The following BICRAL variants were observed in gnomAD, a reference collection of about 807,000 sequenced individuals.
BICRAL encodes BICRA like chromatin remodeling complex associated protein, also known as BRD4-interacting chromatin-remodeling complex-associated protein-like.
BICRAL carries 8 observed loss-of-function variants against 91.8 expected under a neutral mutation model. The observed-to-expected ratio is 0.09, with a 90% CI of 0.05 to 0.16. BICRAL has a LOEUF of 0.16. Among genes scored for constraint, BICRAL ranks in the 10% least tolerant of loss-of-function variants. The probability of loss-of-function intolerance (pLI) is 1.00; values close to 1 mark genes in which losing one functional copy is unlikely to be tolerated. For missense variants in BICRAL, 1,038 were observed against 1,310.9 expected (o/e 0.79, Z 3.21); for synonymous variants, 445 against 491.1 (o/e 0.91, Z 1.24).
chr6:42,768,919 G>T (rs1296640186), intron 1 of BICRAL, among the ~76,000 whole-genome samples: 1 of 152,206 alleles, frequency 6.6e-6, no homozygotes, highest in African/African-American at 2.4e-5. Context: ...CTAAAGATGT[G>T]ATGTGACAGA....
intron 7 of BICRAL, among the ~76,000 whole-genome samples, 154 bp from the exon 8 acceptor site, chr6:42,853,484 C>A (rs1765257000): frequency 6.6e-6 from 1 of 152,142 alleles, no homozygotes; most frequent in Non-Finnish European, 1.5e-5. Context: ...TAAGTAAATG[C>A]ACTACCCTGC....
chr6:42,834,146 C>T (rs929313289), intron 6 of BICRAL, among the ~76,000 whole-genome samples: 19 of 152,208 alleles, frequency 1.2e-4, no homozygotes. Flanking sequence ...CCATGGCGCC[C>T]AGCAAAACCA....
At chr6:42,798,242 T>C (rs1270179523) in intron 1 of BICRAL, among the ~76,000 whole-genome samples, 1 of 152,062 alleles carries the variant, frequency 6.6e-6, no homozygotes, top group East Asian at 1.9e-4. Context: ...GGGTACAGTG[T>C]TCACTATTTG....
rs1156393518 is a variant in BICRAL at position 42,866,874 on chromosome 6, C to A, written c.*1428C>A. ...TCATTGTAACCATCACTTATCTCCT[C>A]TCATTGGGAAAGCTACATGATAGTA... On this transcript the variant is annotated 3_prime_UTR_variant, in exon 13 of 13. Coordinates refer to ENST00000314073, the MANE Select transcript of BICRAL (RefSeq NM_001393499.1). 2.2e-6 allele frequency: 1 copy of A among 456,192 alleles called. No homozygotes were observed. Among genetic ancestry groups the A allele is most frequent in the Non-Finnish European group, 4.4e-6 (1 of 226,804 alleles). The allele number at this position is 456,192 out of a possible 1,614,324, so 28.3% of individuals were successfully genotyped here. A position where few individuals can be genotyped will look rare whatever the true frequency, so the allele number is the denominator to read the frequency against.
At chr6:42,789,732 T>G (rs187063110) in intron 1 of BICRAL, among the ~76,000 whole-genome samples, 62 of 152,288 alleles carry the variant, frequency 4.1e-4, no homozygotes, top group African/African-American at 1.4e-3. Flanking sequence ...GAAATGAAAT[T>G]TCAGATTACT....
At chr6:42,754,425 GC>G (rs1380975425) in intron 1 of BICRAL, among the ~76,000 whole-genome samples, 4 of 146,836 alleles carry the variant, frequency 2.7e-5, no homozygotes, top group African/African-American at 1.0e-4. Context: ...GCCCATCTCG[GC>G]CTCCCAAAGT....
At chr6:42,851,830 G>A (rs111595941) in intron 6 of BICRAL, among the ~76,000 whole-genome samples, 2,220 of 152,188 alleles carry the variant, frequency 0.015, 52 homozygotes, top group African/African-American at 0.051. Flanking sequence ...CAGCAGCCCC[G>A]GGAGCAAGAA....
intron 6 of BICRAL, among the ~76,000 whole-genome samples, chr6:42,840,621 C>T (rs916057315): frequency 6.6e-6 from 1 of 151,926 alleles, no homozygotes; most frequent in Non-Finnish European, 1.5e-5. Flanking sequence ...ACTCCAACCT[C>T]CACCTCCCAG....
At chr6:42,771,861 A>T (rs1226954714) in intron 1 of BICRAL, among the ~76,000 whole-genome samples, 1 of 151,988 alleles carries the variant, frequency 6.6e-6, no homozygotes, top group Non-Finnish European at 1.5e-5. Flanking sequence ...AAAAAATTAG[A>T]CACGAGCAAA....
chr6:42,779,406 G>C (rs937952339), upstream of BICRAL, among the ~76,000 whole-genome samples: 2 of 152,010 alleles, frequency 1.3e-5, no homozygotes, highest in African/African-American at 4.8e-5. Context: ...CAATCCAAAG[G>C]CAACTTAAAA....
chr6:42,783,617 G>C (rs1007175579), intron 1 of BICRAL, among the ~76,000 whole-genome samples: 1 of 152,210 alleles, frequency 6.6e-6, no homozygotes, highest in Non-Finnish European at 1.5e-5. Context: ...CTGAATTCTG[G>C]AGATGGGACT....
intron 1 of BICRAL, among the ~76,000 whole-genome samples, chr6:42,769,426 A>G (rs1190244065): frequency 2.0e-5 from 3 of 152,208 alleles, no homozygotes; most frequent in Admixed American, 6.5e-5. Flanking sequence ...GGTCACCCAA[A>G]CCAACCCTGG....
At chr6:42,857,069 A>G (rs372467217) in intron 9 of BICRAL, 22 bp from the exon 10 acceptor site, 24 of 1,593,600 alleles carry the variant, frequency 1.5e-5, no homozygotes, top group Non-Finnish European at 2.0e-5. Flanking sequence ...TTACATTGAC[A>G]TTGACCATTT....
intron 6 of BICRAL, among the ~76,000 whole-genome samples, chr6:42,834,657 G>C (rs1490302862): frequency 6.6e-6 from 1 of 151,848 alleles, no homozygotes; most frequent in Non-Finnish European, 1.5e-5. Flanking sequence ...AAAATATATT[G>C]TATAAAATAA....
At chr6:42,785,107 T>G (rs568942740) in intron 1 of BICRAL, among the ~76,000 whole-genome samples, 6 of 152,316 alleles carry the variant, frequency 3.9e-5, no homozygotes, top group African/African-American at 1.4e-4. Flanking sequence ...AAATCGAAAT[T>G]ATTTCCTCAG....
intron 6 of BICRAL, among the ~76,000 whole-genome samples, chr6:42,835,022 G>A (rs1764598869): frequency 6.6e-6 from 1 of 152,126 alleles, no homozygotes; most frequent in African/African-American, 2.4e-5. Context: ...TAAAAGCTGT[G>A]AGTTCATATT....
chr6:42,793,161 T>G (rs1208766781), intron 1 of BICRAL, among the ~76,000 whole-genome samples: 2 of 102,772 alleles, frequency 1.9e-5, no homozygotes, highest in African/African-American at 4.5e-5. Context: ...TTTTTTTTTT[T>G]GAGACAGAGT....
At chr6:42,800,166 G>A (rs1763525305) in intron 1 of BICRAL, among the ~76,000 whole-genome samples, 1 of 152,128 alleles carries the variant, frequency 6.6e-6, no homozygotes, top group Non-Finnish European at 1.5e-5. Flanking sequence ...CCAGCTTCAA[G>A]TGATTCTCCT....
intron 6 of BICRAL, among the ~76,000 whole-genome samples, chr6:42,838,066 A>G (rs1764691929): frequency 6.6e-6 from 1 of 152,180 alleles, no homozygotes; most frequent in Non-Finnish European, 1.5e-5. Flanking sequence ...TACTTTATTT[A>G]TATACTTTTT....
Sources: allele counts gnomAD v4.1 joint callset (sites outside exome capture counted in the v4.1 genomes callset), GRCh38; gene constraint gnomAD v4.1.1; transcripts MANE v1.5; gene names NCBI Gene and HGNC (gene_info 2026-07-23, HGNC 2026-07-21).